SRRM4: variants seen among roughly 807,000 people sequenced by gnomAD.
The protein encoded by SRRM4 is serine/arginine repetitive matrix 4.
In SRRM4, 33 loss-of-function variants were observed where a neutral mutation model predicts 68.9. The observed-to-expected ratio is 0.48, with a 90% CI of 0.36 to 0.64. The LOEUF (loss-of-function observed/expected upper bound fraction) is 0.64, where lower values mean the gene tolerates loss of function less well. Among genes scored for constraint, SRRM4 ranks in the 30% least tolerant of loss-of-function variants. SRRM4 has a pLI of 0.00. For synonymous variants in SRRM4, 318 were observed against 318.8 expected, an observed-to-expected ratio of 1.00 and a Z score of 0.03; for missense variants, 817 against 827.1, an observed-to-expected ratio of 0.99 and a Z score of 0.15.
intron 2 of SRRM4, among the ~76,000 whole-genome samples, chr12:119,113,599 C>A (rs1052120381): frequency 1.3e-5 from 2 of 152,134 alleles, no homozygotes; most frequent in African/African-American, 2.4e-5. Flanking sequence ...TTGGCATGTT[C>A]CAATTCCCAA....
intron 6 of SRRM4, among the ~76,000 whole-genome samples, chr12:119,122,409 G>A (rs1040026384): frequency 1.3e-5 from 2 of 152,132 alleles, no homozygotes; most frequent in African/African-American, 2.4e-5. Context: ...GCACCGGGTC[G>A]TGTGTATATG....
chr12:119,039,936 A>G (rs765122866), intron 1 of SRRM4, among the ~76,000 whole-genome samples: 1 of 152,120 alleles, frequency 6.6e-6, no homozygotes, highest in Non-Finnish European at 1.5e-5. Context: ...CCACACACCA[A>G]TAAAGCCTGT....
In SRRM4 at chr12:119,102,379, A is replaced by T; in HGVS notation, c.275A>T (p.His92Leu). Reference protein sequence around the residue: ...TCRELGATRGHSASHDKDLTP... With the variant: ...TCRELGATRGLSASHDKDLTP... ...CGGGAACTGGGTGCCACCAGAGGACACAGGTGAGATCCAATGAGGACGTTC... is the reference window on the plus strand; with the variant it reads ...CGGGAACTGGGTGCCACCAGAGGACTCAGGTGAGATCCAATGAGGACGTTC... The change falls in exon 2 of 13, where the codon CAC becomes CTC. Residue 92 changes from histidine to leucine, a missense_variant. Coordinates refer to ENST00000267260, the MANE Select transcript of SRRM4 (RefSeq NM_194286.4). The T allele has an allele frequency of 6.2e-7, 1 of 1,611,222 alleles. No homozygotes were observed. Among genetic ancestry groups the T allele is most frequent in the Non-Finnish European group, 8.5e-7 (1 of 1,178,578 alleles).
At chr12:119,078,101 T>G (rs1050761114) in intron 1 of SRRM4, among the ~76,000 whole-genome samples, 5 of 152,156 alleles carry the variant, frequency 3.3e-5, no homozygotes. Context: ...ATAAGCAGCT[T>G]GAGGAGTGGC....
intron 1 of SRRM4, among the ~76,000 whole-genome samples, chr12:118,982,558 C>G (rs1953254422): frequency 6.6e-6 from 1 of 152,092 alleles, no homozygotes; most frequent in African/African-American, 2.4e-5. Context: ...CGGCTGCTGC[C>G]GCTGCTGCTG....
At chr12:118,993,122 C>T (rs547821650) in intron 1 of SRRM4, among the ~76,000 whole-genome samples, 1 of 152,262 alleles carries the variant, frequency 6.6e-6, no homozygotes, top group Admixed American at 6.5e-5. Context: ...GAAACTGAGG[C>T]TCGAGGTCTT....
At chr12:118,990,932 G>A (rs1160654458) in intron 1 of SRRM4, among the ~76,000 whole-genome samples, 2 of 152,168 alleles carry the variant, frequency 1.3e-5, no homozygotes, top group Non-Finnish European at 2.9e-5. Context: ...GAATTCTCCT[G>A]CCTAAGCCTC....
At chr12:119,133,228 T>C (rs1355132445) in intron 8 of SRRM4, 5 of 152,176 alleles carry the variant, frequency 3.3e-5, no homozygotes, top group Admixed American at 3.3e-4. Context: ...TTTTAGAGTA[T>C]AACAGGCAAG....
At chr12:119,046,300 G>A (rs1456163547) in intron 1 of SRRM4, among the ~76,000 whole-genome samples, 1 of 152,076 alleles carries the variant, frequency 6.6e-6, no homozygotes, top group South Asian at 2.1e-4. Flanking sequence ...CCAAGAAAAA[G>A]AGATCTCTTG....
At chr12:119,054,010 T>C (rs185621910) in intron 1 of SRRM4, among the ~76,000 whole-genome samples, 1 of 152,260 alleles carries the variant, frequency 6.6e-6, no homozygotes, top group East Asian at 1.9e-4. Context: ...CCATAAACCA[T>C]CCGCACCTCC....
chr12:119,025,437 T>TG (rs1177431638), intron 1 of SRRM4, among the ~76,000 whole-genome samples: 1 of 148,644 alleles, frequency 6.7e-6, no homozygotes, highest in East Asian at 2.0e-4. Context: ...AGTTTTTTTT[T>TG]TTGTTTGTTT....
chr12:119,094,462 G>A (rs1396448535), intron 1 of SRRM4, among the ~76,000 whole-genome samples: 4 of 152,146 alleles, frequency 2.6e-5, no homozygotes, highest in Non-Finnish European at 5.9e-5. Flanking sequence ...TGTCTACATG[G>A]CCCTGAAGAA....
intron 1 of SRRM4, among the ~76,000 whole-genome samples, chr12:119,056,206 C>A (rs1039230447): frequency 6.6e-6 from 1 of 152,214 alleles, no homozygotes; most frequent in Admixed American, 6.5e-5. Context: ...AATAGCTCAG[C>A]TTTGTCTAAG....
intron 1 of SRRM4, among the ~76,000 whole-genome samples, chr12:119,042,038 C>T (rs941099331): frequency 1.8e-4 from 27 of 152,092 alleles, no homozygotes; most frequent in African/African-American, 6.3e-4. Context: ...TAAGGATGAC[C>T]TTGGAAATCA....
intron 6 of SRRM4, 120 bp downstream of exon 6, chr12:119,122,240 G>A (rs1407540161): frequency 5.9e-6 from 3 of 505,770 alleles, no homozygotes; most frequent in Non-Finnish European, 1.0e-5. Flanking sequence ...AGGTGAGCGG[G>A]TGAAAGGAAG....
chr12:119,006,713 C>G (rs1339108497), intron 1 of SRRM4, among the ~76,000 whole-genome samples: 1 of 152,244 alleles, frequency 6.6e-6, no homozygotes, highest in African/African-American at 2.4e-5. Flanking sequence ...AGAGCTTCTG[C>G]AAGACTCAGT....
Position 119,102,341 on chromosome 12 carries a change from AGAC to A in SRRM4, c.238_240del (p.Asp80del). The A allele has an allele frequency of 6.2e-7, 1 of 1,613,444 alleles. No individual in the cohort carries two copies. Among genetic ancestry groups the A allele is most frequent in the South Asian group, 1.1e-5 (1 of 90,988 alleles). On this transcript the variant is annotated inframe_deletion, in exon 2 of 13. Coordinates refer to ENST00000267260, the MANE Select transcript of SRRM4 (RefSeq NM_194286.4). ...CCTTGGGCACCAACAGTTGGGAGAGAGACAAGACCTGTCGGGAACTGGGTGCCA... is the reference window on the plus strand; with the variant it reads ...CCTTGGGCACCAACAGTTGGGAGAGAAAGACCTGTCGGGAACTGGGTGCCA...
intron 9 of SRRM4, among the ~76,000 whole-genome samples, chr12:119,149,340 G>A (rs571412322): frequency 6.6e-6 from 1 of 152,144 alleles, no homozygotes; most frequent in African/African-American, 2.4e-5. Flanking sequence ...GAGCGAGACT[G>A]TCTCAAAAAA....
chr12:119,114,214 C>G (rs190406091), intron 2 of SRRM4, 64 bp from the exon 3 acceptor site: 26 of 1,449,336 alleles, frequency 1.8e-5, no homozygotes, highest in Middle Eastern at 1.8e-4. Context: ...CTGGCTGCAC[C>G]AGCTCTGGTT....
Sources: gnomAD v4.1 joint callset for allele counts (sites outside exome capture counted in the v4.1 genomes callset) on GRCh38, gnomAD v4.1.1 for gene constraint, MANE v1.5 for transcripts, NCBI Gene and HGNC (gene_info 2026-07-23, HGNC 2026-07-21) for gene names.